Variants in UBASH3B observed in about 807,000 individuals in gnomAD.
UBASH3B encodes ubiquitin associated and SH3 domain containing B, also known as ubiquitin-associated and SH3 domain-containing protein B.
In UBASH3B, 37 loss-of-function variants were observed where a neutral mutation model predicts 83.4. The ratio of observed to expected loss-of-function variants is 0.44; its 90% CI spans 0.34 to 0.58. The LOEUF (loss-of-function observed/expected upper bound fraction) is 0.58, where lower values mean the gene tolerates loss of function less well. UBASH3B is among the 20% of genes least tolerant of loss of function. The pLI is 0.01. For missense variants in UBASH3B, 657 were observed against 827.2 expected (o/e 0.79, Z 2.52); for synonymous variants, 304 against 318.3 (o/e 0.96, Z 0.48).
chr11:122,658,298 T>C (rs1285179454), intron 1 of UBASH3B, among the ~76,000 whole-genome samples: 2 of 151,972 alleles, frequency 1.3e-5, no homozygotes, highest in East Asian at 1.9e-4. Context: ...AAAACCTAAA[T>C]TGCTTAATTA....
At chr11:122,660,778 G>A (rs577653899) in intron 1 of UBASH3B, among the ~76,000 whole-genome samples, 64 of 152,148 alleles carry the variant, frequency 4.2e-4, no homozygotes, top group Non-Finnish European at 7.6e-4. Context: ...GAGGCTGCTG[G>A]TGGCTAGAAC....
chr11:122,711,049 T>C (rs936647580), intron 1 of UBASH3B, among the ~76,000 whole-genome samples: 1 of 152,208 alleles, frequency 6.6e-6, no homozygotes, highest in Non-Finnish European at 1.5e-5. Context: ...GTGGGAGCCC[T>C]GTTCTCTGAT....
At chr11:122,680,689 C>T (rs1863726022) in intron 1 of UBASH3B, among the ~76,000 whole-genome samples, 1 of 152,098 alleles carries the variant, frequency 6.6e-6, no homozygotes. Flanking sequence ...TCTTGAACTC[C>T]CGACCTCAAG....
intron 1 of UBASH3B, among the ~76,000 whole-genome samples, chr11:122,710,271 C>T (rs962409677): frequency 8.6e-5 from 13 of 151,494 alleles, no homozygotes; most frequent in African/African-American, 3.2e-4. Flanking sequence ...AGTTAGAAGA[C>T]AGAGGTAAAT....
chr11:122,660,259 G>A (rs778747191), intron 1 of UBASH3B, among the ~76,000 whole-genome samples: 47 of 152,146 alleles, frequency 3.1e-4, no homozygotes, highest in African/African-American at 8.0e-4. Context: ...GAGAAGTGGC[G>A]ATTTCACGGT....
At chr11:122,687,594 T>C (rs2135915290) in intron 1 of UBASH3B, among the ~76,000 whole-genome samples, 1 of 152,364 alleles carries the variant, frequency 6.6e-6, no homozygotes, top group South Asian at 2.1e-4. Context: ...GCTATGCTTC[T>C]ACTATGTGTT....
Position 122,758,727 on chromosome 11 carries a change from T to C in UBASH3B, c.162-17492T>C, listed in dbSNP as rs934242495. ...CTCCCTCCCTTAAGTTGCCAAGCTT[T>C]AACTCTCAGCCTAGAAGGACTTAAA... On this transcript the variant is annotated intron_variant, in intron 1 of 13. Transcript: ENST00000284273. The surrounding 1 kb of genome is among the most constrained non-coding windows in gnomAD (Gnocchi z 4.2). Among the ~76,000 whole-genome samples the C allele has an allele frequency of 3.3e-5, 5 of 152,228 alleles. No individual in the cohort carries two copies. The highest frequency in any genetic ancestry group is 1.2e-4 in the African/African-American group (5 of 41,464).
chr11:122,682,547 C>A (rs144474853), intron 1 of UBASH3B, among the ~76,000 whole-genome samples: 1 of 152,226 alleles, frequency 6.6e-6, no homozygotes, highest in Non-Finnish European at 1.5e-5. Flanking sequence ...CTTCTTTCTC[C>A]TTCATTTGGT....
chr11:122,709,741 C>G (rs1453819711), intron 1 of UBASH3B, among the ~76,000 whole-genome samples: 2 of 152,222 alleles, frequency 1.3e-5, no homozygotes, highest in Non-Finnish European at 1.5e-5. Flanking sequence ...GAGTCCCCAC[C>G]TAGCCTTTTC....
At chr11:122,708,760 G>A (rs1173826485) in intron 1 of UBASH3B, among the ~76,000 whole-genome samples, 1 of 152,172 alleles carries the variant, frequency 6.6e-6, no homozygotes, top group Admixed American at 6.5e-5. Flanking sequence ...CTGTCTTCCA[G>A]GAGCCATGTA....
At chr11:122,687,294 G>A (rs12798180) in intron 1 of UBASH3B, among the ~76,000 whole-genome samples, 8,982 of 152,314 alleles carry the variant, frequency 0.059, 336 homozygotes, top group African/African-American at 0.096. Context: ...TTAGCAGTGT[G>A]TAATACATAT....
intron 5 of UBASH3B, among the ~76,000 whole-genome samples, chr11:122,785,746 A>C (rs1184299110): frequency 6.6e-6 from 1 of 152,234 alleles, no homozygotes; most frequent in Non-Finnish European, 1.5e-5. Flanking sequence ...TCCAGTCCTT[A>C]GTTTTCTCAT....
At position 122,806,363 on chromosome 11, in the gene UBASH3B, T is replaced by G. The variant is rs983333224; in HGVS notation, c.1596-47T>G. The G allele has an allele frequency of 6.7e-7, 1 of 1,497,396 alleles. No individual in the cohort carries two copies. Among genetic ancestry groups the G allele is most frequent in the Non-Finnish European group, 9.1e-7 (1 of 1,095,856 alleles). The allele number at this position is 1,497,396 out of a possible 1,614,324, so 92.8% of individuals were successfully genotyped here. On this transcript the variant is annotated intron_variant, in intron 11 of 13. Coordinates refer to ENST00000284273, the MANE Select transcript of UBASH3B (RefSeq NM_032873.5). The surrounding 1 kb of genome is among the most constrained non-coding windows in gnomAD (Gnocchi z 4.0). ...GTTTAGAGTGATATCTTCCTTTGTC[T>G]CAAGATCAAAATGTTTTCATTTCCT...
intron 1 of UBASH3B, among the ~76,000 whole-genome samples, chr11:122,657,667 G>A (rs942391918): frequency 6.6e-6 from 1 of 152,150 alleles, no homozygotes; most frequent in Non-Finnish European, 1.5e-5. Flanking sequence ...CCTTGAATTT[G>A]TTATTCTCCA....
chr11:122,729,996 AAAAAAAAAG>A (rs1860814084), intron 1 of UBASH3B, among the ~76,000 whole-genome samples: 1 of 145,556 alleles, frequency 6.9e-6, no homozygotes, highest in African/African-American at 2.6e-5. Context: ...AAAAAAAAAA[AAAAAAAAAG>A]GCCAGGTGCA....
intron 1 of UBASH3B, among the ~76,000 whole-genome samples, chr11:122,723,758 C>G (rs112545124): frequency 0.014 from 2,190 of 152,282 alleles, 54 homozygotes; most frequent in African/African-American, 0.05. Flanking sequence ...TTTCCATGTG[C>G]ATTGTGTTTT....
intron 1 of UBASH3B, among the ~76,000 whole-genome samples, chr11:122,720,973 C>T (rs956725315): frequency 5.9e-5 from 9 of 151,910 alleles, no homozygotes; most frequent in South Asian, 4.2e-4. Context: ...CGGCCAGGCG[C>T]GGTGGCTCAC....
chr11:122,736,930 G>C (rs773146281), intron 1 of UBASH3B, among the ~76,000 whole-genome samples: 2 of 152,078 alleles, frequency 1.3e-5, no homozygotes, highest in African/African-American at 2.4e-5. Context: ...AGGAAATAAA[G>C]GATCAAGGAA....
chr11:122,730,587 GA>G (rs150074493), intron 1 of UBASH3B, among the ~76,000 whole-genome samples: 1 of 144,746 alleles, frequency 6.9e-6, no homozygotes, highest in Non-Finnish European at 1.5e-5. Context: ...CAAATATTTG[GA>G]TTCTTTTTTT....
Sources: gnomAD v4.1 joint callset for allele counts (sites outside exome capture counted in the v4.1 genomes callset) on GRCh38, gnomAD v4.1.1 for gene constraint, Gnocchi (gnomAD v3.1) non-coding constraint, MANE v1.5 for transcripts, NCBI Gene and HGNC (gene_info 2026-07-23, HGNC 2026-07-21) for gene names.